KLHL14: variants seen among roughly 807,000 people sequenced by gnomAD.
KLHL14 encodes the protein kelch like family member 14.
In KLHL14, 22 loss-of-function variants were observed where a neutral mutation model predicts 64.3. The ratio of observed to expected loss-of-function variants is 0.34; its 90% CI spans 0.24 to 0.49. The LOEUF is 0.49. KLHL14 is among the 20% of genes least tolerant of loss of function. The pLI, the probability that KLHL14 is intolerant of heterozygous loss-of-function variation, is 0.99. For synonymous variants in KLHL14, 322 were observed against 333.4 expected, an observed-to-expected ratio of 0.97 and a Z score of 0.37; for missense variants, 661 against 789.0, an observed-to-expected ratio of 0.84 and a Z score of 1.94.
chr18:32,724,103 T>C (rs12967862), intron 3 of KLHL14, among the ~76,000 whole-genome samples: 32,188 of 152,166 alleles, frequency 0.21, 3,888 homozygotes, highest in Middle Eastern at 0.28. Flanking sequence ...CTAATAAGGT[T>C]TCATAGAACA....
At chr18:32,698,833 G>A (rs150915959) in intron 3 of KLHL14, among the ~76,000 whole-genome samples, 2 of 152,138 alleles carry the variant, frequency 1.3e-5, no homozygotes, top group East Asian at 3.9e-4. Context: ...ATTTTTGCCC[G>A]TTCCACTCCA....
At chr18:32,677,359 A>C (rs747279758) in intron 7 of KLHL14, 29 bp from the exon 8 acceptor site, 42 of 1,585,736 alleles carry the variant, frequency 2.6e-5, no homozygotes, top group Admixed American at 1.1e-4. Context: ...TGGAACAACA[A>C]AATGATAAAT....
intron 3 of KLHL14, among the ~76,000 whole-genome samples, chr18:32,730,098 A>G (rs569693263): frequency 4.7e-4 from 71 of 152,368 alleles, no homozygotes; most frequent in African/African-American, 1.6e-3. Context: ...ACTATATTCA[A>G]TTCTTTTAGA....
At chr18:32,744,174 TA>T (rs2050212932) in intron 2 of KLHL14, 6 of 152,100 alleles carry the variant, frequency 3.9e-5, no homozygotes, top group Admixed American at 3.9e-4. Flanking sequence ...ATTAACTGCT[TA>T]AAACATGTAT....
chr18:32,768,612 G>T (rs2050359579), intron 2 of KLHL14, among the ~76,000 whole-genome samples: 1 of 152,078 alleles, frequency 6.6e-6, no homozygotes, highest in African/African-American at 2.4e-5. Flanking sequence ...AAACTGAGAG[G>T]ATACTGTTTC....
intron 3 of KLHL14, among the ~76,000 whole-genome samples, chr18:32,702,355 TAA>T (rs34142338): frequency 2.0e-5 from 3 of 147,786 alleles, no homozygotes; most frequent in Non-Finnish European, 4.5e-5. Context: ...TTTTTTTTTT[TAA>T]AAAAAAGTCT....
At chr18:32,725,205 T>C (rs1183889017) in intron 3 of KLHL14, among the ~76,000 whole-genome samples, 3 of 152,124 alleles carry the variant, frequency 2.0e-5, no homozygotes, top group Non-Finnish European at 4.4e-5. Context: ...TATTTTTTAA[T>C]TTTTTGTAGA....
intron 4 of KLHL14, among the ~76,000 whole-genome samples, chr18:32,689,574 G>A (rs1196527204): frequency 6.6e-6 from 1 of 152,144 alleles, no homozygotes; most frequent in East Asian, 1.9e-4. Flanking sequence ...TAAGAGGATA[G>A]GCACTGCTTC....
intron 4 of KLHL14, among the ~76,000 whole-genome samples, chr18:32,694,942 T>C (rs1191929599): frequency 6.6e-6 from 1 of 152,198 alleles, no homozygotes; most frequent in Non-Finnish European, 1.5e-5. Flanking sequence ...ACGGGGAGGA[T>C]GGTGGATAAT....
At chr18:32,748,570 C>T (rs1468462904) in intron 2 of KLHL14, among the ~76,000 whole-genome samples, 1 of 151,838 alleles carries the variant, frequency 6.6e-6, no homozygotes, top group Non-Finnish European at 1.5e-5. Flanking sequence ...TGGGTTTCAC[C>T]GTCTCCATCT....
chr18:32,676,224 T>G (rs1387581762), intron 8 of KLHL14, among the ~76,000 whole-genome samples: 1 of 152,184 alleles, frequency 6.6e-6, no homozygotes, highest in East Asian at 1.9e-4. Context: ...AATATGCAGA[T>G]GGAGGACTAT....
chr18:32,765,437 T>A (rs2050336923), intron 2 of KLHL14, among the ~76,000 whole-genome samples: 1 of 152,312 alleles, frequency 6.6e-6, no homozygotes, highest in Admixed American at 6.5e-5. Flanking sequence ...GATTGTAGGA[T>A]GTAACTATTT....
At chr18:32,708,010 T>A (rs1177246337) in intron 3 of KLHL14, among the ~76,000 whole-genome samples, 1 of 152,150 alleles carries the variant, frequency 6.6e-6, no homozygotes, top group Non-Finnish European at 1.5e-5. Context: ...CTTTAGAACT[T>A]TTCAAGGTAC....
chr18:32,682,266 A>C (rs1036561975), intron 5 of KLHL14, among the ~76,000 whole-genome samples: 2 of 152,244 alleles, frequency 1.3e-5, no homozygotes, highest in Non-Finnish European at 2.9e-5. Flanking sequence ...ATTTTAGAGC[A>C]ATATTTTAGT....
At chr18:32,735,225 G>C (rs1396861803) in intron 3 of KLHL14, among the ~76,000 whole-genome samples, 2 of 152,012 alleles carry the variant, frequency 1.3e-5, no homozygotes, top group Non-Finnish European at 1.5e-5. Flanking sequence ...TTTGACTAAC[G>C]GCATCTTTTG....
In KLHL14 at chr18:32,674,801, TAATGAC is replaced by T. The variant is rs773815290; in HGVS notation, c.1747-10_1747-5del. The T allele has an allele frequency of 1.0e-5, 8 of 780,314 alleles. No homozygotes were observed. Among genetic ancestry groups the T allele is most frequent in the Non-Finnish European group, 1.9e-5 (8 of 417,734 alleles). The allele number at this position is 780,314 out of a possible 1,614,324, so 48.3% of individuals were successfully genotyped here. A position where few individuals can be genotyped will look rare whatever the true frequency, so the allele number is the denominator to read the frequency against. On this transcript the variant is annotated splice_region_variant and splice_polypyrimidine_tract_variant and intron_variant, in intron 8 of 8. Coordinates refer to ENST00000359358, the MANE Select transcript of KLHL14 (RefSeq NM_020805.3). ...TTGTAGATGACTTGTAGGCCCCCTG[TAATGAC>T]AGAGGAGGGAGCATTTAGAGAAGGA...
At chr18:32,708,745 ACTTT>A (rs1457385075) in intron 3 of KLHL14, among the ~76,000 whole-genome samples, 1 of 152,066 alleles carries the variant, frequency 6.6e-6, no homozygotes, top group Non-Finnish European at 1.5e-5. Context: ...AAAGGAGAAC[ACTTT>A]CTTTTCTGAT....
chr18:32,687,289 T>C (rs2049884222), intron 4 of KLHL14, 56 bp from the exon 5 acceptor site: 1 of 1,355,008 alleles, frequency 7.4e-7, no homozygotes, highest in Middle Eastern at 1.8e-4. Flanking sequence ...GATTTGCACA[T>C]GTAGTAGTGT....
At chr18:32,761,085 A>G (rs1277708152) in intron 2 of KLHL14, among the ~76,000 whole-genome samples, 2 of 152,242 alleles carry the variant, frequency 1.3e-5, no homozygotes, top group African/African-American at 4.8e-5. Flanking sequence ...ACAGCATTTT[A>G]TGTTTAGTTT....
Sources: gnomAD v4.1 joint callset for allele counts (sites outside exome capture counted in the v4.1 genomes callset) on GRCh38, gnomAD v4.1.1 for gene constraint, MANE v1.5 for transcripts, NCBI Gene and HGNC (gene_info 2026-07-23, HGNC 2026-07-21) for gene names.